SMC6: variants seen among roughly 807,000 people sequenced by gnomAD.
SMC6 encodes the protein structural maintenance of chromosomes 6.
Under a neutral mutation model 142.2 loss-of-function variants are expected in SMC6, and 79 were observed. The ratio of observed to expected loss-of-function variants is 0.56; its 90% confidence interval spans 0.46 to 0.67. SMC6 has a LOEUF of 0.67. Among genes scored for constraint, SMC6 ranks in the 30% least tolerant of loss-of-function variants. The pLI, the probability that SMC6 is intolerant of heterozygous loss-of-function variation, is 0.00. For missense variants in SMC6, 1,072 were observed against 1,284.0 expected, an observed-to-expected ratio of 0.83 and a Z score of 2.52; for synonymous variants, 411 against 412.4, an observed-to-expected ratio of 1.00 and a Z score of 0.04.
chr2:17,712,151 G>T (rs1668858240), intron 16 of SMC6, among the ~76,000 whole-genome samples: 1 of 152,156 alleles, frequency 6.6e-6, no homozygotes. Context: ...TTGAGAGAAG[G>T]TAAATATCAA....
intron 9 of SMC6, among the ~76,000 whole-genome samples, chr2:17,723,249 A>C (rs994559657): frequency 2.0e-5 from 3 of 152,202 alleles, no homozygotes; most frequent in African/African-American, 7.2e-5. Context: ...TTGGACAATG[A>C]TAATGCCTTC....
chr2:17,726,412 T>C lies in SMC6; in HGVS notation c.601A>G (p.Lys201Glu), dbSNP rs1175709347. 6.2e-7 allele frequency: 1 copy of C among 1,612,348 alleles called. No individual in the cohort carries two copies. The highest frequency in any genetic ancestry group is 1.7e-5 in the Admixed American group (1 of 59,762). The change falls in exon 8 of 28, where the codon AAA becomes GAA. Residue 201 changes from lysine (K) to glutamate (E), a missense_variant. Coordinates refer to ENST00000448223, the MANE Select transcript of SMC6 (RefSeq NM_001142286.2). ...ACTTTGTATTTGTCTCCTTCATTTTTAGACTGTAAGAACTGCTTGCTCATT... is the reference window on the plus strand; with the variant it reads ...ACTTTGTATTTGTCTCCTTCATTTTCAGACTGTAAGAACTGCTTGCTCATT... ...QEMSKQFLQS[K>E]NEGDKYKFFM...
At chr2:17,684,225 A>C (rs1322553329) in intron 23 of SMC6, among the ~76,000 whole-genome samples, 2 of 152,196 alleles carry the variant, frequency 1.3e-5, no homozygotes, top group Non-Finnish European at 2.9e-5. Context: ...TGGCATGGCT[A>C]CTCAGAGTGC....
chr2:17,720,642 G>A (rs75184851), intron 11 of SMC6, among the ~76,000 whole-genome samples: 3,237 of 152,218 alleles, frequency 0.021, 134 homozygotes, highest in African/African-American at 0.073. Flanking sequence ...GAACCAAAGA[G>A]TAAAAGCTTC....
At chr2:17,715,127 T>C in intron 15 of SMC6, 62 bp from the exon 16 acceptor site, 1 of 1,448,302 alleles carries the variant, frequency 6.9e-7, no homozygotes, top group Non-Finnish European at 9.4e-7. Flanking sequence ...ATTAACATCC[T>C]CCTCTTTAAT....
Position 17,703,315 on chromosome 2 carries a change from G to GAAAATAC in SMC6, c.2007-30_2007-24dup, listed in dbSNP as rs747508002. 63 of 1,576,278 alleles carry GAAAATAC rather than the reference G, an allele frequency of 4.0e-5. No homozygotes were observed. In the African/African-American group the frequency reaches 7.1e-4, roughly 18 times the overall value. On this transcript the variant is annotated intron_variant, in intron 18 of 27. Transcript: ENST00000448223. Reference sequence around the variant, plus strand: ...TCACTTGATAGGAAAGGAGAAGATAGAAAATACTTTAAATCTTTTTCTCAA... The same window carrying GAAAATAC: ...TCACTTGATAGGAAAGGAGAAGATAGAAAATACAAAATACTTTAAATCTTTTTCTCAA...
intron 2 of SMC6, among the ~76,000 whole-genome samples, chr2:17,749,964 G>GCCTA (rs1357615886): frequency 1.3e-5 from 2 of 152,150 alleles, no homozygotes; most frequent in Non-Finnish European, 2.9e-5. Context: ...ATTCTACTCT[G>GCCTA]CCTATCACAA....
intron 9 of SMC6, among the ~76,000 whole-genome samples, chr2:17,723,514 A>G (rs760362035): frequency 1.3e-5 from 2 of 152,130 alleles, no homozygotes; most frequent in Non-Finnish European, 2.9e-5. Context: ...TAACCATGCT[A>G]TCTCTTAGAA....
intron 19 of SMC6, among the ~76,000 whole-genome samples, chr2:17,702,695 C>T (rs1245561604): frequency 6.6e-6 from 1 of 152,032 alleles, no homozygotes; most frequent in Non-Finnish European, 1.5e-5. Context: ...AGGCAGCTTC[C>T]CCCCTACTGT....
intron 21 of SMC6, among the ~76,000 whole-genome samples, chr2:17,697,326 A>T (rs1352707462): frequency 1.3e-5 from 2 of 152,066 alleles, no homozygotes; most frequent in African/African-American, 4.8e-5. Context: ...ATAAATTCCA[A>T]AAGAAGAACT....
chr2:17,739,279 T>C (rs1363193742), intron 4 of SMC6, among the ~76,000 whole-genome samples: 5 of 151,954 alleles, frequency 3.3e-5, no homozygotes, highest in Admixed American at 3.3e-4. Flanking sequence ...GAGGCTGAGA[T>C]GGGAGGCTCA....
At chr2:17,672,817 A>G (rs1666826575) in intron 25 of SMC6, among the ~76,000 whole-genome samples, 1 of 152,182 alleles carries the variant, frequency 6.6e-6, no homozygotes, top group Admixed American at 6.5e-5. Flanking sequence ...GTTTGAATAT[A>G]CCCGAATTTA....
rs762468027 is a variant in SMC6, at chr2:17,700,178, C to T, written c.2394+30G>A. The T allele has an allele frequency of 1.3e-5, 19 of 1,462,798 alleles. No homozygotes were observed. The South Asian group carries it at 2.6e-4, about 20-fold the overall frequency. The allele number at this position is 1,462,798 out of a possible 1,614,324, so 90.6% of individuals were successfully genotyped here. ...GGATATAAAACTAAAACATAAAATACATACGTAACACAGTACCAAAAATAT... is the reference window on the plus strand; with the variant it reads ...GGATATAAAACTAAAACATAAAATATATACGTAACACAGTACCAAAAATAT... On this transcript the variant is annotated intron_variant, in intron 21 of 27. Transcript: ENST00000448223.
intron 20 of SMC6, 106 bp from the exon 21 acceptor site, chr2:17,700,484 C>A: frequency 1.3e-6 from 1 of 747,726 alleles, no homozygotes; most frequent in Non-Finnish European, 2.0e-6. Flanking sequence ...AGGCTATATG[C>A]AAATCAGATC....
At chr2:17,703,132 A>C in intron 19 of SMC6, 25 bp downstream of exon 19, 1 of 1,271,840 alleles carries the variant, frequency 7.9e-7, no homozygotes. Context: ...AAACAAAAGA[A>C]GGTTTATTAT....
At chr2:17,732,698 CAA>C (rs58290910) in intron 5 of SMC6, among the ~76,000 whole-genome samples, 22 of 137,234 alleles carry the variant, frequency 1.6e-4, no homozygotes, top group African/African-American at 2.8e-4. Context: ...GACTCGGTCT[CAA>C]AAAAAAAAAA....
At chr2:17,680,023 AC>A (rs1458526154) in intron 24 of SMC6, 1 of 152,096 alleles carries the variant, frequency 6.6e-6, no homozygotes, top group Non-Finnish European at 1.5e-5. Context: ...CACAGCAACC[AC>A]TGCTAGCTGG....
chr2:17,748,303 CA>C (rs1450734838), intron 2 of SMC6, among the ~76,000 whole-genome samples: 1 of 152,142 alleles, frequency 6.6e-6, no homozygotes, highest in Non-Finnish European at 1.5e-5. Context: ...GATTCACATG[CA>C]CATTAGAGTT....
intron 25 of SMC6, 77 bp downstream of exon 25, chr2:17,678,782 A>G (rs1352494379): frequency 9.0e-7 from 1 of 1,113,892 alleles, no homozygotes; most frequent in East Asian, 2.5e-5. Flanking sequence ...CCTCTAAAAA[A>G]AACCCAACAA....
Sources: gnomAD v4.1 joint callset for allele counts (sites outside exome capture counted in the v4.1 genomes callset) on GRCh38, gnomAD v4.1.1 for gene constraint, MANE v1.5 for transcripts, NCBI Gene and HGNC (gene_info 2026-07-23, HGNC 2026-07-21) for gene names.